Variants in BAD observed in about 807,000 individuals in gnomAD.
BAD encodes bcl2-associated agonist of cell death.
A neutral mutation model predicts 17.8 loss-of-function variants in BAD; 18 were observed. The observed-to-expected ratio is 1.01, with a 90% confidence interval of 0.70 to 1.50. The LOEUF is 1.50. Among genes scored for constraint, BAD ranks in the 40% most tolerant of loss-of-function variants. BAD has a pLI of 0.00. For synonymous variants in BAD, 112 were observed against 91.5 expected (o/e 1.22, Z -1.28); for missense variants, 294 against 239.3 (o/e 1.23, Z -1.51).
chr11:64,279,381 C>G (rs546521839), intron 2 of BAD, among the ~76,000 whole-genome samples: 1 of 152,296 alleles, frequency 6.6e-6, no homozygotes, highest in African/African-American at 2.4e-5. Context: ...CTACCCCTAA[C>G]TGGACTGAGA....
intron 2 of BAD, 122 bp downstream of exon 2, chr11:64,284,058 CTG>C: frequency 8.4e-7 from 1 of 1,189,652 alleles, no homozygotes; most frequent in South Asian, 1.6e-5. Context: ...AAAGAGGAAA[CTG>C]GGGCTCTGAG....
At chr11:64,282,709 C>G (rs781080887) in intron 2 of BAD, among the ~76,000 whole-genome samples, 1 of 151,902 alleles carries the variant, frequency 6.6e-6, no homozygotes. Flanking sequence ...GAAACCCCAT[C>G]TCTAATAAAA....
chr11:64,276,087 G>A (rs972905199), intron 2 of BAD, among the ~76,000 whole-genome samples: 5 of 152,096 alleles, frequency 3.3e-5, no homozygotes, highest in African/African-American at 1.2e-4. Flanking sequence ...ACCTTGGGCT[G>A]CCTTGGAGGC....
At position 64,269,983 on chromosome 11, in the gene BAD, CG is replaced by C; in HGVS notation, c.*225del. On this transcript the variant is annotated 3_prime_UTR_variant, in exon 4 of 4. Transcript: ENST00000309032. ...AGCCCGGAGCCTGAGGGCGGGGCCACGGAGCCACTTCCGGCGGCTGTGGGCG... is the reference window on the plus strand; with the variant it reads ...AGCCCGGAGCCTGAGGGCGGGGCCACGAGCCACTTCCGGCGGCTGTGGGCG... The C allele has an allele frequency of 1.2e-6, 1 of 828,070 alleles. No individual in the cohort carries two copies. The highest frequency in any genetic ancestry group is 1.5e-5 in the South Asian group (1 of 68,302). The allele number at this position is 828,070 out of a possible 1,614,324, so 51.3% of individuals were successfully genotyped here. A position where few individuals can be genotyped will look rare whatever the true frequency, so the allele number is the denominator to read the frequency against.
intron 2 of BAD, among the ~76,000 whole-genome samples, chr11:64,274,189 G>A (rs1233017134): frequency 6.7e-6 from 1 of 149,920 alleles, no homozygotes; most frequent in Admixed American, 6.7e-5. Context: ...TCAGGAGATC[G>A]AGACCATCCT....
intron 2 of BAD, chr11:64,277,017 C>A (rs1037359189): frequency 1.4e-6 from 1 of 717,264 alleles, no homozygotes; most frequent in Non-Finnish European, 2.6e-6. Context: ...TCCTCAGATT[C>A]CCAAGAAGGA....
intron 2 of BAD, among the ~76,000 whole-genome samples, chr11:64,279,349 C>A (rs1023414153): frequency 6.6e-6 from 1 of 152,190 alleles, no homozygotes; most frequent in African/African-American, 2.4e-5. Flanking sequence ...ACCATTCCTT[C>A]CTTTGCACAC....
intron 2 of BAD, chr11:64,272,757 G>T (rs960605687): frequency 2.0e-5 from 3 of 152,256 alleles, no homozygotes; most frequent in Non-Finnish European, 4.4e-5. Context: ...AGGCTGGAAG[G>T]TTCCAAAGGT....
intron 2 of BAD, among the ~76,000 whole-genome samples, chr11:64,280,928 G>A (rs1273867564): frequency 2.0e-5 from 3 of 149,818 alleles, no homozygotes; most frequent in East Asian, 4.0e-4. Context: ...TCAGCCTCCC[G>A]ATGTGCTGGG....
intron 3 of BAD, 199 bp from the exon 4 acceptor site, chr11:64,270,536 C>A (rs974834936): frequency 1.3e-6 from 1 of 761,036 alleles, no homozygotes; most frequent in Non-Finnish European, 2.2e-6. Context: ...TGGTTAGATC[C>A]CAGGAACTCC....
Position 64,284,313 on chromosome 11 carries a change from T to C in BAD, c.56A>G (p.Glu19Gly). Reference protein sequence around the residue: ...PSEQEDSSSAERGLGPSPAGD... With the variant: ...PSEQEDSSSAGRGLGPSPAGD... Reference sequence around the variant, plus strand: ...TGCGGGGCTGGGGCCCAGGCCCCTCTCTGCAGAGCTGGAGTCTTCCTGCTC... The same window carrying C: ...TGCGGGGCTGGGGCCCAGGCCCCTCCCTGCAGAGCTGGAGTCTTCCTGCTC... The change falls in exon 2 of 4, where the codon GAG becomes GGG. Residue 19 changes from glutamate to glycine, a missense_variant. Glu to Gly is a moderately conservative substitution (Grantham distance 98, BLOSUM62 -2). Transcript: ENST00000309032. The C allele has an allele frequency of 6.2e-7, 1 of 1,612,672 alleles. No homozygotes were observed. The highest frequency in any genetic ancestry group is 2.2e-5 in the East Asian group (1 of 44,864).
At chr11:64,282,381 T>C (rs945935652) in intron 2 of BAD, among the ~76,000 whole-genome samples, 32 of 152,018 alleles carry the variant, frequency 2.1e-4, no homozygotes, top group Non-Finnish European at 3.4e-4. Context: ...GTGAGAGGAT[T>C]GCTTGGGCCC....
chr11:64,279,033 TG>T (rs914623815), intron 2 of BAD, among the ~76,000 whole-genome samples: 1 of 152,144 alleles, frequency 6.6e-6, no homozygotes, highest in African/African-American at 2.4e-5. Flanking sequence ...CAGCTGGGGC[TG>T]GGGGGAGGTG....
Position 64,284,247 on chromosome 11 carries a change from G to T in BAD, c.122C>A (p.Ala41Asp). ...ACTGGCGTCCCACAGGAGGCCTGGG[G>T]CCTGGCGATGATGCTTGCCGGAGCC... ...PSGSGKHHRQ[A>D]PGLLWDASHQ... Residue 41 changes from alanine (A) to aspartate (D), a missense_variant, in exon 2 of 4, where the codon GCC becomes GAC. Physicochemically the swap from Ala to Asp is moderately radical, Grantham distance 126. Coordinates refer to ENST00000309032, the MANE Select transcript of BAD (RefSeq NM_032989.3). The T allele has an allele frequency of 1.2e-6, 2 of 1,610,864 alleles. No individual in the cohort carries two copies. The highest frequency in any genetic ancestry group is 2.2e-5 in the East Asian group (1 of 44,840).
chr11:64,277,042 C>T, intron 2 of BAD: 1 of 713,414 alleles, frequency 1.4e-6, no homozygotes. Context: ...ACGAAGTTCT[C>T]CCTGTTTTAT....
At chr11:64,274,251 G>A (rs1322853043) in intron 2 of BAD, among the ~76,000 whole-genome samples, 1 of 151,974 alleles carries the variant, frequency 6.6e-6, no homozygotes, top group Non-Finnish European at 1.5e-5. Flanking sequence ...AGCTGGGCAT[G>A]GTGGCTGGCG....
In BAD at chr11:64,270,119, C is replaced by A. The variant is rs776454584; in HGVS notation, c.*90G>T. 5.9e-5 allele frequency: 94 copies of A among 1,589,104 alleles called. No individual in the cohort carries two copies. The East Asian group carries it at 2.1e-3, about 35-fold the overall frequency. On this transcript the variant is annotated 3_prime_UTR_variant, in exon 4 of 4. Transcript: ENST00000309032. ...GGAGACAGCACGGATCCTCTTTTTG[C>A]ATAGGCCTGAGGGAAGTACTTCCGC...
chr11:64,284,495 C>T, intron 1 of BAD, 119 bp from the exon 2 acceptor site: 1 of 1,576,008 alleles, frequency 6.3e-7, no homozygotes, highest in Non-Finnish European at 8.6e-7. Flanking sequence ...CCCGCCAGGC[C>T]TCCTGGGCCC....
rs1037263072 is a variant in BAD, at chr11:64,284,624, G to A, written c.-9+7C>T. Reference sequence around the variant, plus strand: ...CCCCGCCCGTGGTGACGGCGCACAGGTCTCACCCCAAGCCCGATCTCGAGG... The same window carrying A: ...CCCCGCCCGTGGTGACGGCGCACAGATCTCACCCCAAGCCCGATCTCGAGG... On this transcript the variant is annotated splice_region_variant and intron_variant, in intron 1 of 3. Coordinates refer to ENST00000309032, the MANE Select transcript of BAD (RefSeq NM_032989.3). 18 of 1,521,920 alleles carry A rather than the reference G, an allele frequency of 1.2e-5. No homozygotes were observed. Among genetic ancestry groups the A allele is most frequent in the East Asian group, 9.8e-5 (4 of 40,780 alleles). 94.3% of individuals were successfully genotyped at this position (1,521,920 alleles called of 1,614,324 possible).
Sources: allele counts gnomAD v4.1 joint callset (sites outside exome capture counted in the v4.1 genomes callset), GRCh38; gene constraint gnomAD v4.1.1; transcripts MANE v1.5; gene names NCBI Gene and HGNC (gene_info 2026-07-23, HGNC 2026-07-21).